The following MYO3A variants were observed in gnomAD, a reference collection of about 807,000 sequenced individuals.
MYO3A encodes myosin IIIA, also known as myosin-IIIa.
Under a neutral mutation model 192.7 loss-of-function variants are expected in MYO3A, and 180 were observed. The observed-to-expected ratio is 0.93, with a 90% CI of 0.83 to 1.06. MYO3A has a LOEUF of 1.06. Among genes scored for constraint, MYO3A ranks in the 50% least tolerant of loss-of-function variants. The pLI, the probability that MYO3A is intolerant of heterozygous loss-of-function variation, is 0.00. For synonymous variants in MYO3A, 628 were observed against 645.3 expected (o/e 0.97, Z 0.41); for missense variants, 1,896 against 1,905.0 (o/e 1.00, Z 0.09).
At chr10:25,968,249 A>G (rs1158049601) in intron 4 of MYO3A, among the ~76,000 whole-genome samples, 2 of 152,256 alleles carry the variant, frequency 1.3e-5, no homozygotes, top group Non-Finnish European at 2.9e-5. Context: ...ATGGAATGAC[A>G]TCTTTGAAGG....
intron 7 of MYO3A, among the ~76,000 whole-genome samples, chr10:26,020,696 G>C (rs1160181512): frequency 6.6e-6 from 1 of 151,998 alleles, no homozygotes; most frequent in Non-Finnish European, 1.5e-5. Context: ...TGTGTTTATT[G>C]ATGTTAATAA....
At chr10:26,211,474 T>A (rs1400158080) in intron 34 of MYO3A, among the ~76,000 whole-genome samples, 1 of 152,106 alleles carries the variant, frequency 6.6e-6, no homozygotes, top group Non-Finnish European at 1.5e-5. Context: ...GCACTTTGAG[T>A]TTTTTGTTTG....
intron 31 of MYO3A, among the ~76,000 whole-genome samples, chr10:26,187,255 A>G (rs557097534): frequency 1.9e-3 from 284 of 152,322 alleles, no homozygotes; most frequent in African/African-American, 6.5e-3. Context: ...AAAAATTCAC[A>G]GTGAAAAATA....
intron 10 of MYO3A, among the ~76,000 whole-genome samples, chr10:26,057,370 G>T (rs759589018): frequency 6.6e-6 from 1 of 152,106 alleles, no homozygotes; most frequent in African/African-American, 2.4e-5. Flanking sequence ...AAATTAGTAG[G>T]GTTAACCCTG....
chr10:26,034,850 T>C (rs1309814075), intron 10 of MYO3A, among the ~76,000 whole-genome samples: 3 of 151,592 alleles, frequency 2.0e-5, no homozygotes, highest in African/African-American at 7.3e-5. Context: ...TATTGATATA[T>C]ATTTAATATT....
chr10:26,089,153 G>A (rs1054474853), intron 15 of MYO3A, among the ~76,000 whole-genome samples: 5 of 152,118 alleles, frequency 3.3e-5, no homozygotes, highest in Non-Finnish European at 7.4e-5. Context: ...TTAATTCACA[G>A]TAACATAATA....
intron 17 of MYO3A, among the ~76,000 whole-genome samples, chr10:26,107,766 C>G (rs1200741891): frequency 6.6e-6 from 1 of 151,650 alleles, no homozygotes. Context: ...TGCCCTTACT[C>G]TTTTATCTTT....
chr10:26,023,163 T>A (rs990848576), intron 8 of MYO3A: 4 of 152,240 alleles, frequency 2.6e-5, no homozygotes, highest in Non-Finnish European at 5.9e-5. Context: ...TTAGTCCTGA[T>A]CTGGGGTAGA....
In MYO3A at chr10:26,110,727, C is replaced by T. The variant is rs572801785; in HGVS notation, c.1777-9949C>T. ...ACCCTTGTACATGCCATGAGGTCTG[C>T]GTGGTAGGCATCCTATCATGCTGAA... On this transcript the variant is annotated intron_variant, in intron 17 of 34. Transcript: ENST00000642920. Among the ~76,000 whole-genome samples the T allele has an allele frequency of 1.6e-4, 25 of 152,174 alleles. No individual in the cohort carries two copies. In the South Asian group the frequency reaches 3.5e-3, roughly 21 times the overall value.
rs375717548 is a variant in MYO3A, at chr10:26,203,118, A to C, written c.4730+11A>C. On this transcript the variant is annotated intron_variant, in intron 34 of 34. Transcript: ENST00000642920. ...TAAGGCTAATGAAAGGTAAAAAGCT[A>C]AACTTTAAAGTACATCATTTGCAGT... 2.9e-4 allele frequency: 467 copies of C among 1,612,942 alleles called. No individual in the cohort carries two copies. The highest frequency in any genetic ancestry group is 3.8e-4 in the Non-Finnish European group (443 of 1,179,310).
chr10:26,203,238 T>C (rs1300610471), intron 34 of MYO3A, 131 bp downstream of exon 34: 8 of 1,066,652 alleles, frequency 7.5e-6, no homozygotes, highest in Middle Eastern at 2.3e-4. Flanking sequence ...TGGAGTGATA[T>C]GGTGTTTAAA....
chr10:26,132,198 T>C (rs1011728444), intron 20 of MYO3A, among the ~76,000 whole-genome samples: 12 of 152,172 alleles, frequency 7.9e-5, no homozygotes, highest in Non-Finnish European at 1.5e-4. Flanking sequence ...TTTTCTTCCG[T>C]CGGAAAGGGA....
At chr10:26,051,862 T>C (rs11812543) in intron 10 of MYO3A, among the ~76,000 whole-genome samples, 24,703 of 152,058 alleles carry the variant, frequency 0.16, 2,298 homozygotes, top group Non-Finnish European at 0.21. Context: ...GGGTTGAGTA[T>C]TTGTAACACA....
At chr10:26,125,724 A>T (rs1839182292) in intron 19 of MYO3A, 116 bp downstream of exon 19, 3 of 894,718 alleles carry the variant, frequency 3.4e-6, no homozygotes, top group Admixed American at 2.2e-5. Context: ...GATGTAATTA[A>T]ATTATTAAAA....
chr10:26,090,611 T>C (rs1400275363), intron 15 of MYO3A, among the ~76,000 whole-genome samples: 3 of 152,252 alleles, frequency 2.0e-5, no homozygotes, highest in African/African-American at 4.8e-5. Context: ...CTAATTTAAT[T>C]GCATTTTTAA....
chr10:26,097,437 G>A (rs1323480120), intron 17 of MYO3A, among the ~76,000 whole-genome samples: 1 of 151,660 alleles, frequency 6.6e-6, no homozygotes, highest in Non-Finnish European at 1.5e-5. Flanking sequence ...TGCACAATGT[G>A]CAGGTTTGTT....
Position 26,016,878 on chromosome 10 carries a change from G to A in MYO3A, c.567G>A (p.Pro189=), listed in dbSNP as rs1379413436. 6.2e-6 allele frequency: 10 copies of A among 1,614,154 alleles called. No individual in the cohort carries two copies. In the Admixed American group the frequency reaches 8.3e-5, roughly 13 times the overall value. The stretch of plus-strand genomic sequence containing the variant: ...GTCGGAACACATCCGTAGGAACACC[G>A]TTTTGGATGGCTCCTGAGGTCAGAT... The part of the protein sequence containing the change: ...RHRRNTSVGT[P]FWMAPEVIAC... Residue 189 remains proline (P), a synonymous_variant, in exon 7 of 35, where the codon CCG becomes CCA. Transcript: ENST00000642920.
At chr10:26,183,185 CAT>C (rs1475773572) in intron 31 of MYO3A, among the ~76,000 whole-genome samples, 10 of 152,202 alleles carry the variant, frequency 6.6e-5, no homozygotes, top group Admixed American at 2.0e-4. Flanking sequence ...CTAGGAGAGA[CAT>C]GTGGGGCAGG....
chr10:26,173,233 C>T (rs1213775918), intron 29 of MYO3A, among the ~76,000 whole-genome samples: 1 of 152,148 alleles, frequency 6.6e-6, no homozygotes, highest in Admixed American at 6.6e-5. Context: ...GATCAGTAAA[C>T]TTAGTGCTTA....
Sources: gnomAD v4.1 joint callset for allele counts (sites outside exome capture counted in the v4.1 genomes callset) on GRCh38, gnomAD v4.1.1 for gene constraint, MANE v1.5 for transcripts, NCBI Gene and HGNC (gene_info 2026-07-23, HGNC 2026-07-21) for gene names.